The following CLK1 variants were observed in gnomAD, a reference collection of about 807,000 sequenced individuals.
The protein encoded by CLK1 is dual specificity protein kinase CLK1.
A neutral mutation model predicts 60.9 loss-of-function variants in CLK1; 40 were observed. The ratio of observed to expected loss-of-function variants is 0.66; its 90% confidence interval spans 0.51 to 0.86. The LOEUF is 0.86. CLK1 is among the 40% of genes least tolerant of loss of function. CLK1 has a pLI of 0.00. For missense variants in CLK1, 563 were observed against 606.1 expected, an observed-to-expected ratio of 0.93 and a Z score of 0.75; for synonymous variants, 203 against 184.4, an observed-to-expected ratio of 1.10 and a Z score of -0.82.
chr2:200,863,709 C>T (rs1324523247), intron 1 of CLK1, among the ~76,000 whole-genome samples: 2 of 152,154 alleles, frequency 1.3e-5, no homozygotes, highest in African/African-American at 2.4e-5. Context: ...CAAACATTAG[C>T]CCGGCGTCGT....
At position 200,857,726 on chromosome 2, in the gene CLK1, G is replaced by C; in HGVS notation, c.824C>G (p.Ser275Cys). The stretch of plus-strand genomic sequence containing the variant: ...ATATACCAAGAACTTACAATTCACA[G>C]ACTTGCATATCTGATATGCCATCTT... Reference protein sequence around the residue: ...IRKMAYQICKSVNFLHSNKLT... With the variant: ...IRKMAYQICKCVNFLHSNKLT... The change falls in exon 7 of 13, where the codon TCT becomes TGT. Residue 275 changes from serine to cysteine, a missense_variant. Ser to Cys is a moderately radical substitution (Grantham distance 112). Around this residue, in one of 3 missense-constraint regions of CLK1, gnomAD observed 360 missense variants for 407.0 expected, o/e 0.88. Transcript: ENST00000321356. The C allele has an allele frequency of 6.3e-7, 1 of 1,592,246 alleles. No homozygotes were observed. Among genetic ancestry groups the C allele is most frequent in the Non-Finnish European group, 8.5e-7 (1 of 1,169,620 alleles).
rs1321493569 is a variant in CLK1 at position 200,861,627 on chromosome 2, G to T, written c.161+75C>A. The T allele has an allele frequency of 6.3e-6, 10 of 1,574,990 alleles. No homozygotes were observed. In the East Asian group the frequency reaches 1.1e-4, roughly 18 times the overall value. On this transcript the variant is annotated intron_variant, in intron 2 of 12. Transcript: ENST00000321356. ...GAAACAAACGAATGGTAGTAATCAG[G>T]TACTTATTTTAAGTGATACTAGTTT...
Position 200,855,872 on chromosome 2 carries a change from G to A in CLK1, c.1058-786C>T, listed in dbSNP as rs540422562. On this transcript the variant is annotated intron_variant, in intron 9 of 12. Coordinates refer to ENST00000321356, the MANE Select transcript of CLK1 (RefSeq NM_004071.4). ...AAAAATAAGAAAATTAACCGGGTGT[G>A]GTGGTGGGTGCCTATAATCCCAGCT... Among the ~76,000 whole-genome samples, 436 of 151,060 alleles carry A rather than the reference G, an allele frequency of 2.9e-3. 3 individuals carry two copies. Among genetic ancestry groups the A allele is most frequent in the African/African-American group, 0.01 (426 of 41,242 alleles).
At chr2:200,864,499 G>A (rs2039198988) in intron 1 of CLK1, 65 bp downstream of exon 1, 6 of 433,546 alleles carry the variant, frequency 1.4e-5, no homozygotes, top group African/African-American at 2.1e-5. Flanking sequence ...AGGGGGCATC[G>A]CCAGGCGCCC....
intron 1 of CLK1, chr2:200,864,243 G>A (rs942489704): frequency 1.3e-6 from 2 of 1,539,354 alleles, no homozygotes; most frequent in African/African-American, 1.4e-5. Context: ...GCTCCGCCGA[G>A]GCGGTTCACA....
rs1254970520 is a variant in CLK1, at chr2:200,853,389, A to G, written c.1372T>C (p.Leu458=). ...ERLFDLIQKM[L]EYDPAKRITL... is the part of the protein sequence containing the mutation. ...ATTCTTTTGGCTGGATCATACTCCA[A>G]CATTTTCTGAATGAGGTCAAAGAGA... Residue 458 remains leucine (L), a synonymous_variant, in exon 13 of 13, where the codon TTG becomes CTG. Transcript: ENST00000321356. The G allele has an allele frequency of 8.1e-6, 13 of 1,613,204 alleles. No homozygotes were observed. Among genetic ancestry groups the G allele is most frequent in the African/African-American group, 4.0e-5 (3 of 74,880 alleles).
chr2:200,855,666 G>A (rs577118413), intron 9 of CLK1, among the ~76,000 whole-genome samples: 1 of 149,356 alleles, frequency 6.7e-6, no homozygotes, highest in East Asian at 2.1e-4. Flanking sequence ...TATGCAATGT[G>A]ATGTTTGAGC....
intron 3 of CLK1, 107 bp downstream of exon 3, chr2:200,861,131 A>AG (rs1393765889): frequency 1.7e-5 from 25 of 1,514,766 alleles, no homozygotes; most frequent in Admixed American, 2.2e-5. Flanking sequence ...GTTAAAACTG[A>AG]GATGATTTCA....
At chr2:200,855,594 T>C (rs539424039) in intron 9 of CLK1, among the ~76,000 whole-genome samples, 13 of 148,504 alleles carry the variant, frequency 8.8e-5, no homozygotes, top group Middle Eastern at 3.6e-3. Flanking sequence ...CACTGCACTC[T>C]AGCCTGGGTG....
chr2:200,855,944 A>G, intron 9 of CLK1, among the ~76,000 whole-genome samples: 1 of 147,726 alleles, frequency 6.8e-6, no homozygotes, highest in East Asian at 2.1e-4. Context: ...AGGAGGCAGA[A>G]GTTGCAGTGA....
At chr2:200,864,076 G>C (rs1211062871) in intron 1 of CLK1, 3 of 1,543,930 alleles carry the variant, frequency 1.9e-6, no homozygotes, top group South Asian at 2.4e-5. Context: ...TAACCCCTAC[G>C]GGTTCCGTCT....
At chr2:200,861,164 CA>C in intron 3 of CLK1, 73 bp downstream of exon 3, 1 of 1,545,522 alleles carries the variant, frequency 6.5e-7, no homozygotes, top group Non-Finnish European at 8.7e-7. Flanking sequence ...CTCAAATAAT[CA>C]AACACAAAAA....
chr2:200,863,964 T>C, intron 1 of CLK1: 1 of 1,008,100 alleles, frequency 9.9e-7, no homozygotes, highest in Non-Finnish European at 1.4e-6. Flanking sequence ...ACCCCAGCAT[T>C]TCTCTTTCCT....
In CLK1 at chr2:200,857,991, G is replaced by C. The variant is rs1271000493; in HGVS notation, c.647C>G (p.Thr216Arg). The C allele has an allele frequency of 6.2e-7, 1 of 1,613,458 alleles. No homozygotes were observed. Among genetic ancestry groups the C allele is most frequent in the Non-Finnish European group, 8.5e-7 (1 of 1,179,546 alleles). Reference sequence around the variant, plus strand: ...TACTTACAAAGTACTGTTGGGGTCTGTTGTATTCAGATGTTCCAGAACTTG... The same window carrying C: ...TACTTACAAAGTACTGTTGGGGTCTCTTGTATTCAGATGTTCCAGAACTTG... Reference protein sequence around the residue: ...EIQVLEHLNTTDPNSTFRCVQ... With the variant: ...EIQVLEHLNTRDPNSTFRCVQ... Residue 216 changes from threonine to arginine, a missense_variant, in exon 6 of 13, where the codon ACA (threonine) becomes AGA (arginine). By Grantham distance (71) the Thr-to-Arg change is moderately conservative. This residue lies in a region of CLK1 where 360 missense variants were observed against 407.0 expected (regional missense o/e 0.88). Transcript: ENST00000321356.
At chr2:200,860,464 G>A in intron 3 of CLK1, 1 of 1,232,156 alleles carries the variant, frequency 8.1e-7, no homozygotes, top group East Asian at 3.3e-5. Flanking sequence ...AAAGTGGCAA[G>A]GCAACAAAAC....
chr2:200,860,479 T>C (rs1334211389), intron 3 of CLK1: 140 of 1,179,654 alleles, frequency 1.2e-4, no homozygotes, highest in Non-Finnish European at 1.4e-4. Flanking sequence ...CAAAACATAA[T>C]ACAATTGTTT....
chr2:200,857,847 CATG>C lies in CLK1; in HGVS notation c.700_702del (p.His234del). On this transcript the variant is annotated inframe_deletion, in exon 7 of 13. Transcript: ENST00000321356. ...AGTTCAAAAACAATGCAAATGTGACCATGATGCTCAAACCATTCCAACATCTGG... is the reference window on the plus strand; with the variant it reads ...AGTTCAAAAACAATGCAAATGTGACCATGCTCAAACCATTCCAACATCTGG... 1 of 1,613,598 alleles carries C rather than the reference CATG, an allele frequency of 6.2e-7. No individual in the cohort carries two copies. Among genetic ancestry groups the C allele is most frequent in the Non-Finnish European group, 8.5e-7 (1 of 1,179,706 alleles).
rs1328394257 is a variant in CLK1, at chr2:200,853,254, T to C, written c.*52A>G. 5 of 1,343,284 alleles carry C rather than the reference T, an allele frequency of 3.7e-6. No individual in the cohort carries two copies. In the South Asian group the frequency reaches 4.4e-5, roughly 12 times the overall value. 83.2% of individuals were successfully genotyped at this position (1,343,284 alleles called of 1,614,324 possible). On this transcript the variant is annotated 3_prime_UTR_variant, in exon 13 of 13. Transcript: ENST00000321356. ...ACAAAATAACTTAAAATTTAAAAAT[T>C]AGACTGATACAGTCTGTAAGATCTC...
chr2:200,855,111 G>GA (rs770310485), intron 9 of CLK1, 25 bp from the exon 10 acceptor site: 49 of 1,508,962 alleles, frequency 3.2e-5, no homozygotes, highest in South Asian at 8.5e-5. Flanking sequence ...AAAATTTAAG[G>GA]AAAAAAAATA....
Sources: allele counts gnomAD v4.1 joint callset (sites outside exome capture counted in the v4.1 genomes callset), GRCh38; gene constraint gnomAD v4.1.1; regional missense constraint gnomAD v4.1.1; transcripts MANE v1.5; gene names NCBI Gene and HGNC (gene_info 2026-07-23, HGNC 2026-07-21).